ELAVL2: variants seen among roughly 807,000 people sequenced by gnomAD.
The protein encoded by ELAVL2 is ELAV like RNA binding protein 2.
ELAVL2 carries 4 observed loss-of-function variants against 34.6 expected under a neutral mutation model. The observed-to-expected ratio is 0.12, with a 90% CI of 0.06 to 0.26. ELAVL2 has a LOEUF of 0.26. Ranked by LOEUF, ELAVL2 falls within the 10% of genes least tolerant of loss-of-function variation. ELAVL2 has a pLI of 1.00. For missense variants in ELAVL2, 432 were observed against 442.8 expected, an observed-to-expected ratio of 0.98 and a Z score of 0.22; for synonymous variants, 193 against 154.8, an observed-to-expected ratio of 1.25 and a Z score of -1.83.
chr9:23,798,614 C>T (rs747450423), intron 1 of ELAVL2, among the ~76,000 whole-genome samples: 2 of 152,110 alleles, frequency 1.3e-5, no homozygotes, highest in Non-Finnish European at 2.9e-5. Context: ...GTTACTGTAA[C>T]ATTTCATATA....
the ELAVL2 span, among the ~76,000 whole-genome samples, chr9:23,838,513 T>C: frequency 6.6e-6 from 1 of 152,142 alleles, no homozygotes; most frequent in Admixed American, 6.6e-5. Context: ...AAAATAGATA[T>C]GACAAAAATC....
intron 1 of ELAVL2, among the ~76,000 whole-genome samples, chr9:23,774,956 T>C (rs1196463709): frequency 6.6e-6 from 1 of 152,176 alleles, no homozygotes; most frequent in East Asian, 1.9e-4. Context: ...GTATCTACAT[T>C]CATACAAAAT....
chr9:23,714,820 T>C (rs142520379), intron 3 of ELAVL2, among the ~76,000 whole-genome samples: 571 of 152,218 alleles, frequency 3.8e-3, no homozygotes, highest in African/African-American at 0.013. Flanking sequence ...AAAAAAATAC[T>C]GAAGAGGCTA....
chr9:23,693,223 A>C (rs2033829001), intron 6 of ELAVL2, among the ~76,000 whole-genome samples: 1 of 152,232 alleles, frequency 6.6e-6, no homozygotes, highest in African/African-American at 2.4e-5. Flanking sequence ...GTAACGTCGT[A>C]ACGCAATACG....
intron 1 of ELAVL2, among the ~76,000 whole-genome samples, chr9:23,791,857 T>C (rs760822581): frequency 6.6e-6 from 1 of 152,200 alleles, no homozygotes; most frequent in Non-Finnish European, 1.5e-5. Context: ...ACCCAGGCTA[T>C]GGTATTCTGT....
chr9:23,794,160 C>CAA (rs2060639266), intron 1 of ELAVL2, among the ~76,000 whole-genome samples: 1 of 152,218 alleles, frequency 6.6e-6, no homozygotes, highest in Non-Finnish European at 1.5e-5. Context: ...CAACAGCATT[C>CAA]AAGCTGCTTC....
intron 2 of ELAVL2, among the ~76,000 whole-genome samples, chr9:23,735,989 T>G (rs577978942): frequency 1.6e-3 from 240 of 152,312 alleles, no homozygotes; most frequent in African/African-American, 5.5e-3. Flanking sequence ...GCATCAGCTA[T>G]TCCCCTGCCA....
At chr9:23,790,162 T>G (rs1202571333) in intron 1 of ELAVL2, among the ~76,000 whole-genome samples, 1 of 152,076 alleles carries the variant, frequency 6.6e-6, no homozygotes, top group Non-Finnish European at 1.5e-5. Context: ...GTCCGAGTGC[T>G]GTTTTGTACT....
chr9:23,710,574 T>G (rs528517232), intron 3 of ELAVL2, among the ~76,000 whole-genome samples: 1 of 152,332 alleles, frequency 6.6e-6, no homozygotes, highest in African/African-American at 2.4e-5. Flanking sequence ...ACTGAACAAC[T>G]TTTATCACTT....
intron 1 of ELAVL2, among the ~76,000 whole-genome samples, chr9:23,820,959 T>G (rs566510240): frequency 6.6e-6 from 1 of 152,018 alleles, no homozygotes; most frequent in Non-Finnish European, 1.5e-5. Context: ...GGGATCATCA[T>G]TGCTCCTGCC....
chr9:23,784,841 CACTT>C (rs1381727355), intron 1 of ELAVL2, among the ~76,000 whole-genome samples: 2 of 152,142 alleles, frequency 1.3e-5, no homozygotes, highest in African/African-American at 2.4e-5. Flanking sequence ...GTACAAGAAA[CACTT>C]AATATCCGTA....
chr9:23,701,608 T>A lies in ELAVL2; in HGVS notation c.488-4A>T. ...AACCCTACACCCCTTGATATGCCTA[T>A]GGTAGATTTGAGTAAAGATTTGGAA... is the stretch of plus-strand genomic sequence containing the variant. On this transcript the variant is annotated splice_polypyrimidine_tract_variant and splice_region_variant and intron_variant, in intron 4 of 6. Coordinates refer to ENST00000397312, the MANE Select transcript of ELAVL2 (RefSeq NM_004432.5). 1 of 1,612,292 alleles carries A rather than the reference T, an allele frequency of 6.2e-7. No individual in the cohort carries two copies. Among genetic ancestry groups the A allele is most frequent in the Non-Finnish European group, 8.5e-7 (1 of 1,178,596 alleles).
At chr9:23,737,920 A>G (rs1281086540) in intron 2 of ELAVL2, among the ~76,000 whole-genome samples, 1 of 152,172 alleles carries the variant, frequency 6.6e-6, no homozygotes, top group Admixed American at 6.5e-5. Flanking sequence ...TGCCTTAACG[A>G]CAAAAAAAAG....
At chr9:23,747,891 G>A (rs2050897595) in intron 2 of ELAVL2, among the ~76,000 whole-genome samples, 1 of 152,092 alleles carries the variant, frequency 6.6e-6, no homozygotes, top group Admixed American at 6.6e-5. Context: ...GAGAAGGCAG[G>A]AGGCCAAGAT....
At chr9:23,810,387 C>A (rs1171738931) in intron 1 of ELAVL2, among the ~76,000 whole-genome samples, 3 of 151,920 alleles carry the variant, frequency 2.0e-5, no homozygotes, top group Admixed American at 1.3e-4. Context: ...GCTACAGGGA[C>A]CACAGTGAAG....
At chr9:23,765,172 T>A (rs1217449013) in intron 1 of ELAVL2, 1 of 1,379,056 alleles carries the variant, frequency 7.3e-7, no homozygotes, top group Non-Finnish European at 9.9e-7. Context: ...TGTACAAAAT[T>A]TACAGTGATT....
At chr9:23,779,212 C>G in intron 1 of ELAVL2, 1 of 985,404 alleles carries the variant, frequency 1.0e-6, no homozygotes, top group Non-Finnish European at 1.2e-6. Flanking sequence ...GGGGAAGGAA[C>G]TGAAGGGTAA....
At position 23,725,427 on chromosome 9, in the gene ELAVL2, G is replaced by A. The variant is rs140476468; in HGVS notation, c.333+5595C>T. 2.8e-4 allele frequency among the ~76,000 whole-genome samples: 42 copies of A among 152,208 alleles called. 1 individual carries two copies. The highest frequency in any genetic ancestry group is 4.6e-4 in the Admixed American group (7 of 15,280). ...AGCATTATGGCTATTAGAGCCACTC[G>A]TCTCAAACACAGAACTGTGCTGCAG... On this transcript the variant is annotated intron_variant, in intron 3 of 6. Transcript: ENST00000397312.
intron 1 of ELAVL2, among the ~76,000 whole-genome samples, chr9:23,786,952 G>A (rs1460959314): frequency 6.6e-6 from 1 of 151,986 alleles, no homozygotes; most frequent in Admixed American, 6.6e-5. Flanking sequence ...CCAATATATT[G>A]CAAAAGATAA....
Sources: allele counts gnomAD v4.1 joint callset (sites outside exome capture counted in the v4.1 genomes callset), GRCh38; gene constraint gnomAD v4.1.1; transcripts MANE v1.5; gene names NCBI Gene and HGNC (gene_info 2026-07-23, HGNC 2026-07-21).